Variants in GDPD4 observed in about 807,000 individuals in gnomAD.
GDPD4 encodes the protein glycerophosphodiester phosphodiesterase domain containing 4.
In GDPD4, 60 loss-of-function variants were observed where a neutral mutation model predicts 67.8. That is an observed-to-expected ratio of 0.88 (90% confidence interval 0.72 to 1.10). The LOEUF is 1.10. Among genes scored for constraint, GDPD4 ranks in the 50% least tolerant of loss-of-function variants. The pLI is 0.00. For synonymous variants in GDPD4, 212 were observed against 210.9 expected (o/e 1.00, Z -0.04); for missense variants, 623 against 613.9 (o/e 1.01, Z -0.16).
Position 77,258,391 on chromosome 11 carries a change from G to A in GDPD4, c.859C>T (p.Pro287Ser). ...AACTTGGGAATGTGTCTTACCTCTGGTTTTACAAACCATTTGCCTGCATTC... is the reference window on the plus strand; with the variant it reads ...AACTTGGGAATGTGTCTTACCTCTGATTTTACAAACCATTTGCCTGCATTC... ...TLNAGKWFVK[P>S]ELRPFYNMKP... The change falls in exon 11 of 17, where the codon CCA becomes TCA. Residue 287 changes from proline to serine, a missense_variant. Coordinates refer to ENST00000315938, the MANE Select transcript of GDPD4 (RefSeq NM_182833.3). The A allele has an allele frequency of 6.2e-7, 1 of 1,614,038 alleles. No individual in the cohort carries two copies. Among genetic ancestry groups the A allele is most frequent in the South Asian group, 1.1e-5 (1 of 91,072 alleles).
At chr11:77,218,371 G>C (rs902685889) in intron 16 of GDPD4, among the ~76,000 whole-genome samples, 26 of 152,000 alleles carry the variant, frequency 1.7e-4, no homozygotes, top group African/African-American at 6.3e-4. Flanking sequence ...GAATCTTTGG[G>C]GTTATCATAG....
At position 77,279,346 on chromosome 11, in the gene GDPD4, C is replaced by T. The variant is rs1959646115; in HGVS notation, c.107G>A (p.Ser36Asn). ...YWFFWSIFILSLARILTAYSS... is the reference protein window; with the variant it reads ...YWFFWSIFILNLARILTAYSS... ...GTAGGCAGTCAGGATCCTAGCTAAA[C>T]TCAGAATAAAAATAGACCAGAAAAA... is the stretch of plus-strand genomic sequence containing the variant. Residue 36 changes from serine to asparagine, a missense_variant, in exon 4 of 17, where the codon AGT (serine) becomes AAT (asparagine). Ser to Asn is a conservative substitution (Grantham distance 46). Coordinates refer to ENST00000315938, the MANE Select transcript of GDPD4 (RefSeq NM_182833.3). 6.2e-7 allele frequency: 1 copy of T among 1,612,986 alleles called. No individual in the cohort carries two copies. Among genetic ancestry groups the T allele is most frequent in the Non-Finnish European group, 8.5e-7 (1 of 1,179,140 alleles).
intron 4 of GDPD4, among the ~76,000 whole-genome samples, chr11:77,276,792 A>G (rs974954739): frequency 1.2e-4 from 19 of 152,338 alleles, no homozygotes; most frequent in African/African-American, 4.6e-4. Context: ...GATGCCTAGG[A>G]TATTAATGAT....
intron 10 of GDPD4, among the ~76,000 whole-genome samples, chr11:77,262,403 A>G (rs1959136713): frequency 1.3e-5 from 2 of 152,186 alleles, no homozygotes; most frequent in Non-Finnish European, 2.9e-5. Flanking sequence ...CCATCCTCAC[A>G]GGGTTAACAA....
intron 13 of GDPD4, among the ~76,000 whole-genome samples, chr11:77,234,471 G>A (rs909293408): frequency 1.3e-5 from 2 of 152,052 alleles, no homozygotes; most frequent in Non-Finnish European, 2.9e-5. Flanking sequence ...TACCCCACAG[G>A]TAGTTTTCCA....
chr11:77,250,563 T>A (rs1958871470), intron 11 of GDPD4, among the ~76,000 whole-genome samples: 1 of 152,188 alleles, frequency 6.6e-6, no homozygotes, highest in African/African-American at 2.4e-5. Context: ...TTTGTTGAGA[T>A]TTGTTTTGTG....
At chr11:77,235,009 G>GTGTTTTTTTTTTTTT (rs1413310722) in intron 13 of GDPD4, among the ~76,000 whole-genome samples, 1 of 52,254 alleles carries the variant, frequency 1.9e-5, no homozygotes, top group Non-Finnish European at 3.7e-5. Context: ...GTCAATATCT[G>GTGTTTTTTTTTTTTT]TTTTTTTTTT....
chr11:77,269,111 T>C, intron 8 of GDPD4, 42 bp from the exon 9 acceptor site: 1 of 1,587,718 alleles, frequency 6.3e-7, no homozygotes, highest in Non-Finnish European at 8.6e-7. Flanking sequence ...GAAAAAGAGA[T>C]AAAGAGGGAT....
At chr11:77,264,580 G>A (rs1455501238) in intron 10 of GDPD4, among the ~76,000 whole-genome samples, 1 of 152,182 alleles carries the variant, frequency 6.6e-6, no homozygotes, top group African/African-American at 2.4e-5. Context: ...CTCAAATGCT[G>A]AGAGAGTAAG....
chr11:77,288,597 G>A (rs1420717349), intron 1 of GDPD4, among the ~76,000 whole-genome samples: 1 of 151,964 alleles, frequency 6.6e-6, no homozygotes, highest in Non-Finnish European at 1.5e-5. Flanking sequence ...CATGAACCCA[G>A]AATAAAAACT....
At chr11:77,218,021 TATAA>T (rs1958156681) in intron 16 of GDPD4, among the ~76,000 whole-genome samples, 1 of 152,020 alleles carries the variant, frequency 6.6e-6, no homozygotes. Context: ...TTTTAGTTGT[TATAA>T]ATATTCAAAG....
At chr11:77,223,213 T>C (rs1958261646) in intron 16 of GDPD4, among the ~76,000 whole-genome samples, 1 of 152,210 alleles carries the variant, frequency 6.6e-6, no homozygotes, top group South Asian at 2.1e-4. Context: ...TGAAGCCTAC[T>C]TCTGTCAGCT....
intron 2 of GDPD4, among the ~76,000 whole-genome samples, chr11:77,285,489 C>T (rs1172411171): frequency 2.0e-5 from 3 of 152,226 alleles, no homozygotes; most frequent in Non-Finnish European, 4.4e-5. Context: ...ATGCAGCTGG[C>T]TCTCAACAAT....
At chr11:77,282,711 A>G (rs2602486) in intron 3 of GDPD4, among the ~76,000 whole-genome samples, 1 of 151,544 alleles carries the variant, frequency 6.6e-6, no homozygotes, top group Admixed American at 6.6e-5. Flanking sequence ...ACAACAACAA[A>G]AAAAAAAACA....
chr11:77,261,859 T>C (rs1015541115), intron 10 of GDPD4, among the ~76,000 whole-genome samples: 1 of 152,208 alleles, frequency 6.6e-6, no homozygotes, highest in African/African-American at 2.4e-5. Flanking sequence ...GCTGACATGC[T>C]GAAATAAAGA....
At chr11:77,229,345 T>G in intron 14 of GDPD4, 113 bp from the exon 15 acceptor site, 1 of 627,178 alleles carries the variant, frequency 1.6e-6, no homozygotes, top group Non-Finnish European at 2.8e-6. Flanking sequence ...GAAGAGGGGA[T>G]AGACAGGCCA....
chr11:77,296,518 C>T (rs1255503907), intron 1 of GDPD4, among the ~76,000 whole-genome samples: 2 of 150,630 alleles, frequency 1.3e-5, no homozygotes, highest in African/African-American at 4.9e-5. Flanking sequence ...AACAGGGTTT[C>T]ACCAAGTTAG....
chr11:77,224,902 G>A (rs1382303775), intron 16 of GDPD4, among the ~76,000 whole-genome samples: 1 of 151,266 alleles, frequency 6.6e-6, no homozygotes, highest in Non-Finnish European at 1.5e-5. Context: ...AGGAGTTTGA[G>A]ATCAGCCTGG....
chr11:77,268,206 C>T (rs557689148), intron 10 of GDPD4, among the ~76,000 whole-genome samples: 1 of 151,856 alleles, frequency 6.6e-6, no homozygotes, highest in African/African-American at 2.4e-5. Flanking sequence ...TGCAATGGGG[C>T]CATATGTGAA....
Sources: gnomAD v4.1 joint callset for allele counts (sites outside exome capture counted in the v4.1 genomes callset) on GRCh38, gnomAD v4.1.1 for gene constraint, MANE v1.5 for transcripts, NCBI Gene and HGNC (gene_info 2026-07-23, HGNC 2026-07-21) for gene names.